Variants in IL27RA observed in about 807,000 individuals in gnomAD.
The protein encoded by IL27RA is interleukin 27 receptor subunit alpha.
In IL27RA, 61 loss-of-function variants were observed where a neutral mutation model predicts 80.8. The observed-to-expected ratio is 0.76, with a 90% confidence interval of 0.61 to 0.93. IL27RA has a LOEUF of 0.93. Ranked by LOEUF, IL27RA falls within the 40% of genes least tolerant of loss-of-function variation. The pLI, the probability that IL27RA is intolerant of heterozygous loss-of-function variation, is 0.00. For synonymous variants in IL27RA, 316 were observed against 332.5 expected (o/e 0.95, Z 0.54); for missense variants, 735 against 808.1 (o/e 0.91, Z 1.10).
chr19:14,042,345 C>G (rs1976001586), intron 4 of IL27RA, 108 bp from the exon 5 acceptor site: 1 of 1,204,000 alleles, frequency 8.3e-7, no homozygotes, highest in Non-Finnish European at 1.2e-6. Flanking sequence ...TAGCCTGGGC[C>G]ACAACGAGAC....
At chr19:14,051,148 G>C (rs1056848853) in intron 11 of IL27RA, among the ~76,000 whole-genome samples, 2 of 152,250 alleles carry the variant, frequency 1.3e-5, no homozygotes, top group East Asian at 1.9e-4. Flanking sequence ...TCCTGGAGAA[G>C]CTGAGGCTCG....
chr19:14,032,361 T>C (rs1975831618), intron 1 of IL27RA, 25 bp from the exon 2 acceptor site: 1 of 1,577,212 alleles, frequency 6.3e-7, no homozygotes, highest in South Asian at 1.1e-5. Flanking sequence ...CCCCCTTTCC[T>C]GAGACCCTCT....
chr19:14,032,665 G>T (rs1225939015), intron 2 of IL27RA, among the ~76,000 whole-genome samples, 162 bp downstream of exon 2: 1 of 149,084 alleles, frequency 6.7e-6, no homozygotes, highest in Non-Finnish European at 1.5e-5. Flanking sequence ...AATTACCCAG[G>T]GGTGGTGGCG....
At position 14,052,191 on chromosome 19, in the gene IL27RA, G is replaced by A. The variant is rs1329724326; in HGVS notation, c.1812G>A (p.Gln604=). ...PPVMESSQPA[Q]ATAPLDSGYE... ...TTATGGAGTCCTCCCAGCCCGCCCA[G>A]GCCACCGCCCCGCTTGACTCTGGGT... Residue 604 remains glutamine (Q), a synonymous_variant, in exon 14 of 14, where the codon CAG becomes CAA. Coordinates refer to ENST00000263379, the MANE Select transcript of IL27RA (RefSeq NM_004843.4). 1 of 1,611,362 alleles carries A rather than the reference G, an allele frequency of 6.2e-7. No individual in the cohort carries two copies. The highest frequency in any genetic ancestry group is 8.5e-7 in the Non-Finnish European group (1 of 1,178,878).
At chr19:14,037,918 A>G (rs1291532204) in intron 2 of IL27RA, among the ~76,000 whole-genome samples, 5 of 146,244 alleles carry the variant, frequency 3.4e-5, no homozygotes, top group African/African-American at 7.6e-5. Flanking sequence ...GCAACCTCCA[A>G]CTCCCTGGTT....
rs149233937 is a variant in IL27RA, at chr19:14,032,064, G to A, written c.100+92G>A. The A allele has an allele frequency of 4.7e-4, 543 of 1,144,388 alleles. 2 individuals carry two copies. The African/African-American group carries it at 7.5e-3, about 16-fold the overall frequency. The allele number at this position is 1,144,388 out of a possible 1,614,324, so 70.9% of individuals were successfully genotyped here. On this transcript the variant is annotated intron_variant, in intron 1 of 13. Transcript: ENST00000263379. Reference sequence around the variant, plus strand: ...CCAGGATAAGCCACGCGTATGCAGAGCGAACGGTAGAGGTGCAGGCGCCAC... The same window carrying A: ...CCAGGATAAGCCACGCGTATGCAGAACGAACGGTAGAGGTGCAGGCGCCAC...
rs767134163 is a variant in IL27RA, at chr19:14,031,896, T to C, written c.24T>C (p.Pro8=). The change falls in exon 1 of 14, where the codon CCT becomes CCC. Residue 8 remains proline (P), a synonymous_variant. Coordinates refer to ENST00000263379, the MANE Select transcript of IL27RA (RefSeq NM_004843.4). ...CCATGCGGGGAGGCAGGGGCGCCCCTTTCTGGCTGTGGCCGCTGCCCAAGC... is the reference window on the plus strand; with the variant it reads ...CCATGCGGGGAGGCAGGGGCGCCCCCTTCTGGCTGTGGCCGCTGCCCAAGC... MRGGRGA[P]FWLWPLPKLA... 3.1e-6 allele frequency: 5 copies of C among 1,604,764 alleles called. 1 individual carries two copies. The highest frequency in any genetic ancestry group is 4.3e-6 in the Non-Finnish European group (5 of 1,176,332).
At chr19:14,037,555 C>T (rs192632287) in intron 2 of IL27RA, among the ~76,000 whole-genome samples, 3 of 151,448 alleles carry the variant, frequency 2.0e-5, no homozygotes, top group Non-Finnish European at 4.4e-5. Flanking sequence ...ACGCCTGGCC[C>T]CTTCTTACTA....
intron 2 of IL27RA, among the ~76,000 whole-genome samples, chr19:14,037,823 G>GCTCTCT (rs1555764845): frequency 1.4e-4 from 19 of 135,536 alleles, no homozygotes; most frequent in East Asian, 1.2e-3. Flanking sequence ...AGACCCTCTC[G>GCTCTCT]CTCTCTCTCT....
In IL27RA at chr19:14,039,823, C is replaced by A. The variant is rs751472029; in HGVS notation, c.447C>A (p.Val149=). 5 of 1,614,032 alleles carry A rather than the reference C, an allele frequency of 3.1e-6. No homozygotes were observed. The highest frequency in any genetic ancestry group is 4.2e-6 in the Non-Finnish European group (5 of 1,180,002). Residue 149 remains valine, a synonymous_variant, in exon 4 of 14, where the codon GTC becomes GTA. Transcript: ENST00000263379. ...FSEDDPLEAT[V]HWAPPTWPSH... is the part of the protein sequence containing the mutation. ...AGGATGACCCCCTGGAGGCCACTGTCCATTGGGCCCCACCTACATGGCCAT... is the reference window on the plus strand; with the variant it reads ...AGGATGACCCCCTGGAGGCCACTGTACATTGGGCCCCACCTACATGGCCAT...
intron 11 of IL27RA, 102 bp downstream of exon 11, chr19:14,050,985 A>C: frequency 1.4e-5 from 18 of 1,271,000 alleles, no homozygotes; most frequent in Non-Finnish European, 1.9e-5. Flanking sequence ...GCAGTGGCTC[A>C]CCCCTGTAAT....
intron 8 of IL27RA, 131 bp downstream of exon 8, chr19:14,046,749 C>A (rs1219117298): frequency 1.1e-6 from 1 of 877,546 alleles, no homozygotes; most frequent in East Asian, 2.7e-5. Context: ...GTAATCTCAG[C>A]ACTTTGGGAG....
At chr19:14,039,445 G>T in intron 2 of IL27RA, 63 bp from the exon 3 acceptor site, 10 of 1,547,678 alleles carry the variant, frequency 6.5e-6, no homozygotes, top group Non-Finnish European at 8.8e-6. Context: ...TGGCACAAGG[G>T]TGGTTATCAG....
intron 10 of IL27RA, 70 bp from the exon 11 acceptor site, chr19:14,050,688 G>C: frequency 6.6e-7 from 1 of 1,520,682 alleles, no homozygotes; most frequent in Non-Finnish European, 9.0e-7. Context: ...GCAGACAGCA[G>C]GAAGAGCACA....
chr19:14,042,690 G>C (rs1236528922), intron 5 of IL27RA, 26 bp from the exon 6 acceptor site: 1 of 1,613,998 alleles, frequency 6.2e-7, no homozygotes. Context: ...CCACTCATTT[G>C]TTCCCCGTTT....
chr19:14,038,824 CGGT>C (rs1472009615), intron 2 of IL27RA, among the ~76,000 whole-genome samples: 1 of 150,030 alleles, frequency 6.7e-6, no homozygotes, highest in African/African-American at 2.5e-5. Context: ...GCAGAGGTTG[CGGT>C]GAGCCAAGAT....
At chr19:14,039,954 G>T in intron 4 of IL27RA, 44 bp downstream of exon 4, 1 of 1,594,696 alleles carries the variant, frequency 6.3e-7, no homozygotes, top group South Asian at 1.1e-5. Context: ...TCCGGGCGGG[G>T]ACTGAGGCAA....
In IL27RA at chr19:14,051,887, C is replaced by T. The variant is rs1976172409; in HGVS notation, c.1630C>T (p.His544Tyr). ...CTACTCCTGTCTTGCCAGGTGCTAC[C>T]ACCTAAGGCACAAAGTGCTGCCCCG... Reference protein sequence around the residue: ...LSLATSGRCYHLRHKVLPRWV... With the variant: ...LSLATSGRCYYLRHKVLPRWV... Residue 544 changes from histidine (H) to tyrosine (Y), a missense_variant, in exon 13 of 14, where the codon CAC becomes TAC. By Grantham distance (83) the His-to-Tyr change is moderately conservative (BLOSUM62 2). Transcript: ENST00000263379. 4 of 1,580,022 alleles carry T rather than the reference C, an allele frequency of 2.5e-6. No homozygotes were observed. Among genetic ancestry groups the T allele is most frequent in the Middle Eastern group, 1.7e-4 (1 of 6,040 alleles).
At chr19:14,051,803 C>T in intron 12 of IL27RA, 77 bp from the exon 13 acceptor site, 1 of 1,419,784 alleles carries the variant, frequency 7.0e-7, no homozygotes, top group Non-Finnish European at 9.8e-7. Context: ...GGCGCAGTCA[C>T]ATTCATGAAC....
Sources: allele counts gnomAD v4.1 joint callset (sites outside exome capture counted in the v4.1 genomes callset), GRCh38; gene constraint gnomAD v4.1.1; transcripts MANE v1.5; gene names NCBI Gene and HGNC (gene_info 2026-07-23, HGNC 2026-07-21).